UIMC1: variants seen among roughly 807,000 people sequenced by gnomAD.
UIMC1 encodes BRCA1-A complex subunit RAP80.
Under a neutral mutation model 84.9 loss-of-function variants are expected in UIMC1, and 42 were observed. The observed-to-expected ratio is 0.49, with a 90% confidence interval of 0.39 to 0.64. UIMC1 has a LOEUF of 0.64. Among genes scored for constraint, UIMC1 ranks in the 30% least tolerant of loss-of-function variants. The pLI, the probability that UIMC1 is intolerant of heterozygous loss-of-function variation, is 0.00. For synonymous variants in UIMC1, 281 were observed against 293.0 expected (o/e 0.96, Z 0.42); for missense variants, 825 against 847.6 (o/e 0.97, Z 0.33).
chr5:177,016,263 T>G (rs557770487), intron 1 of UIMC1, among the ~76,000 whole-genome samples: 1 of 147,766 alleles, frequency 6.8e-6, no homozygotes, highest in South Asian at 2.2e-4. Flanking sequence ...ACTCAGGAGG[T>G]TGAGGCAGGA....
chr5:176,954,730 T>C (rs1177319570), intron 8 of UIMC1, among the ~76,000 whole-genome samples: 1 of 143,550 alleles, frequency 7.0e-6, no homozygotes, highest in Non-Finnish European at 1.5e-5. Flanking sequence ...CACTCCAGCC[T>C]GGGCAAAACT....
At chr5:176,957,422 T>C (rs1766741388) in intron 7 of UIMC1, among the ~76,000 whole-genome samples, 1 of 152,176 alleles carries the variant, frequency 6.6e-6, no homozygotes, top group Non-Finnish European at 1.5e-5. Context: ...GTGCAGTTTA[T>C]AATTAATCAA....
intron 6 of UIMC1, among the ~76,000 whole-genome samples, chr5:176,967,427 TGTA>T (rs767799318): frequency 3.9e-4 from 60 of 152,272 alleles, no homozygotes; most frequent in Non-Finnish European, 7.1e-4. Flanking sequence ...GTATTCTGCT[TGTA>T]CCAGATAAAG....
At chr5:176,977,804 G>C (rs1404721796) in intron 2 of UIMC1, among the ~76,000 whole-genome samples, 2 of 151,638 alleles carry the variant, frequency 1.3e-5, no homozygotes, top group African/African-American at 4.8e-5. Flanking sequence ...CAGCTACTCC[G>C]CAGGCTGAGG....
At chr5:176,971,855 G>GC (rs2149487902) in intron 3 of UIMC1, among the ~76,000 whole-genome samples, 1 of 152,186 alleles carries the variant, frequency 6.6e-6, no homozygotes, top group East Asian at 1.9e-4. Flanking sequence ...GTTGCAATGA[G>GC]CTGAAACCAT....
intron 10 of UIMC1, among the ~76,000 whole-genome samples, chr5:176,916,314 G>C (rs1260846819): frequency 6.6e-6 from 1 of 152,214 alleles, no homozygotes; most frequent in East Asian, 1.9e-4. Flanking sequence ...ACTGAAAGCT[G>C]AGAGAGACAA....
At chr5:176,906,434 A>G (rs1027753976) in intron 13 of UIMC1, among the ~76,000 whole-genome samples, 1 of 152,210 alleles carries the variant, frequency 6.6e-6, no homozygotes, top group Admixed American at 6.5e-5. Context: ...GCTTGGTGGG[A>G]ATGAACTATT....
At chr5:176,965,923 G>A (rs1477390566) in intron 6 of UIMC1, among the ~76,000 whole-genome samples, 1 of 152,180 alleles carries the variant, frequency 6.6e-6, no homozygotes, top group Non-Finnish European at 1.5e-5. Flanking sequence ...TGGAGTTAAT[G>A]TATTATTTTA....
chr5:176,956,255 T>C (rs926196944), intron 7 of UIMC1, among the ~76,000 whole-genome samples: 1 of 152,198 alleles, frequency 6.6e-6, no homozygotes, highest in Non-Finnish European at 1.5e-5. Flanking sequence ...GTGAAATCAC[T>C]GAATGAAAAC....
intron 10 of UIMC1, among the ~76,000 whole-genome samples, chr5:176,937,170 G>A (rs374744574): frequency 6.6e-6 from 1 of 152,290 alleles, no homozygotes; most frequent in East Asian, 1.9e-4. Flanking sequence ...GATCAACGTA[G>A]TCAATCTTCT....
intron 1 of UIMC1, among the ~76,000 whole-genome samples, chr5:177,002,423 T>TA (rs1774656651): frequency 6.6e-6 from 1 of 152,240 alleles, no homozygotes; most frequent in Non-Finnish European, 1.5e-5. Flanking sequence ...TGGTGGTACT[T>TA]ACACGGGTGT....
chr5:176,921,375 C>T (rs888067954), intron 10 of UIMC1, among the ~76,000 whole-genome samples: 10 of 152,202 alleles, frequency 6.6e-5, no homozygotes, highest in African/African-American at 2.4e-4. Flanking sequence ...CATCAGCATA[C>T]AAATATGCAG....
intron 1 of UIMC1, among the ~76,000 whole-genome samples, chr5:176,983,309 G>GCTGCAACCTCC (rs1771337171): frequency 6.7e-6 from 1 of 148,360 alleles, no homozygotes; most frequent in South Asian, 2.1e-4. Flanking sequence ...ATCTTGGCTC[G>GCTGCAACCTCC]CTGCAACCTC....
intron 3 of UIMC1, 35 bp from the exon 4 acceptor site, chr5:176,970,901 C>T: frequency 2.5e-6 from 4 of 1,606,000 alleles, no homozygotes; most frequent in African/African-American, 1.3e-5. Flanking sequence ...AGGAGGAACA[C>T]CACAAACACT....
intron 1 of UIMC1, among the ~76,000 whole-genome samples, chr5:176,990,174 C>CT (rs1242358244): frequency 1.4e-5 from 2 of 147,428 alleles, no homozygotes; most frequent in African/African-American, 2.5e-5. Flanking sequence ...GAGCGAGACT[C>CT]TGTTACAAAA....
chr5:176,934,331 A>G (rs1763466451), intron 10 of UIMC1, among the ~76,000 whole-genome samples: 1 of 152,234 alleles, frequency 6.6e-6, no homozygotes, highest in South Asian at 2.1e-4. Context: ...ATTTAGAATA[A>G]GCTCAAATTC....
At position 176,987,826 on chromosome 5, in the gene UIMC1, A is replaced by C. The variant is rs193274832; in HGVS notation, c.-8-5203T>G. Among the ~76,000 whole-genome samples the C allele has an allele frequency of 5.4e-5, 8 of 148,472 alleles. No individual in the cohort carries two copies. The East Asian group carries it at 1.6e-3, about 29-fold the overall frequency. ...GCAACAGAGCAAGACCCTGTCTCAC[A>C]AAAAAAAAAGACATCAAACGTAAAA... On this transcript the variant is annotated intron_variant, in intron 1 of 14. Transcript: ENST00000511320.
intron 7 of UIMC1, 90 bp downstream of exon 7, chr5:176,957,983 AGCTAAAAGTTCTCTGGCAAG>A (rs1766822530): frequency 4.9e-5 from 45 of 918,638 alleles, no homozygotes; most frequent in Non-Finnish European, 7.2e-5. Context: ...CTTATAAAAG[AGCTAAAAGTTCTCTGGCAAG>A]CTGTCCACGT....
At chr5:176,984,611 G>A (rs1229808573) in intron 1 of UIMC1, among the ~76,000 whole-genome samples, 1 of 152,160 alleles carries the variant, frequency 6.6e-6, no homozygotes, top group Non-Finnish European at 1.5e-5. Flanking sequence ...CGACCAACGA[G>A]AACAGGCCAT....
Sources: gnomAD v4.1 joint callset for allele counts (sites outside exome capture counted in the v4.1 genomes callset) on GRCh38, gnomAD v4.1.1 for gene constraint, MANE v1.5 for transcripts, NCBI Gene and HGNC (gene_info 2026-07-23, HGNC 2026-07-21) for gene names.